The following CTNNBL1 variants were observed in gnomAD, a reference collection of about 807,000 sequenced individuals.
CTNNBL1 encodes the protein beta-catenin-like protein 1.
CTNNBL1 carries 31 observed loss-of-function variants against 72.7 expected under a neutral mutation model. The ratio of observed to expected loss-of-function variants is 0.43; its 90% CI spans 0.32 to 0.58. The LOEUF is 0.58. Ranked by LOEUF, CTNNBL1 falls within the 20% of genes least tolerant of loss-of-function variation. The probability of loss-of-function intolerance (pLI) is 0.08; values close to 1 mark genes in which losing one functional copy is unlikely to be tolerated. For missense variants in CTNNBL1, 534 were observed against 725.1 expected (o/e 0.74, Z 3.03); for synonymous variants, 240 against 267.3 (o/e 0.90, Z 1.00).
At chr20:37,749,189 G>A (rs997720336) in intron 4 of CTNNBL1, among the ~76,000 whole-genome samples, 4 of 152,186 alleles carry the variant, frequency 2.6e-5, no homozygotes, top group African/African-American at 9.6e-5. Flanking sequence ...TGGGATTTAC[G>A]ACATTGCTGA....
chr20:37,828,527 T>C (rs964349217), intron 11 of CTNNBL1, among the ~76,000 whole-genome samples: 3 of 152,212 alleles, frequency 2.0e-5, no homozygotes, highest in Non-Finnish European at 4.4e-5. Flanking sequence ...ACTGAGTCTC[T>C]AGTTCCTTGT....
chr20:37,708,190 T>C (rs2072906177), intron 1 of CTNNBL1, among the ~76,000 whole-genome samples: 1 of 140,878 alleles, frequency 7.1e-6, no homozygotes, highest in East Asian at 2.0e-4. Context: ...ATAGACTTTC[T>C]TTTTTTTTTT....
At chr20:37,716,108 C>T (rs991908104) in intron 1 of CTNNBL1, among the ~76,000 whole-genome samples, 1 of 151,942 alleles carries the variant, frequency 6.6e-6, no homozygotes, top group Non-Finnish European at 1.5e-5. Flanking sequence ...TTATTTTATT[C>T]TACTGTTTAT....
At chr20:37,746,987 C>G (rs1411149287) in intron 4 of CTNNBL1, among the ~76,000 whole-genome samples, 1 of 152,178 alleles carries the variant, frequency 6.6e-6, no homozygotes, top group Non-Finnish European at 1.5e-5. Context: ...GACTGATGGT[C>G]CAGTGGAGTT....
At position 37,727,775 on chromosome 20, in the gene CTNNBL1, CTG is replaced by C. The variant is rs201613567; in HGVS notation, c.31-5101_31-5100del. On this transcript the variant is annotated intron_variant, in intron 1 of 15. Coordinates refer to ENST00000361383, the MANE Select transcript of CTNNBL1 (RefSeq NM_030877.5). The stretch of plus-strand genomic sequence containing the variant: ...AGAGCTCAGCCTGAGCTGTTGACCT[CTG>C]TGACAGGCTGTGAGTGTTACATTCT... 9.8e-5 allele frequency among the ~76,000 whole-genome samples: 15 copies of C among 152,340 alleles called. No individual in the cohort carries two copies. In the East Asian group the frequency reaches 2.9e-3, roughly 29 times the overall value.
At chr20:37,722,108 A>G (rs929718768) in intron 1 of CTNNBL1, among the ~76,000 whole-genome samples, 1 of 152,092 alleles carries the variant, frequency 6.6e-6, no homozygotes, top group Non-Finnish European at 1.5e-5. Flanking sequence ...TACTTTTTAT[A>G]TGCTTATGGG....
At chr20:37,775,535 T>C (rs547009955) in intron 7 of CTNNBL1, among the ~76,000 whole-genome samples, 1 of 152,366 alleles carries the variant, frequency 6.6e-6, no homozygotes, top group South Asian at 2.1e-4. Flanking sequence ...AACTGCAGAT[T>C]TGAGTCAACC....
chr20:37,851,701 GA>G (rs2072398611), intron 13 of CTNNBL1, among the ~76,000 whole-genome samples: 1 of 152,172 alleles, frequency 6.6e-6, no homozygotes, highest in South Asian at 2.1e-4. Context: ...TTTCCCATTT[GA>G]AAAGTAGAAA....
chr20:37,831,294 T>C (rs2072207147), intron 11 of CTNNBL1, among the ~76,000 whole-genome samples: 1 of 152,216 alleles, frequency 6.6e-6, no homozygotes, highest in African/African-American at 2.4e-5. Context: ...ACATATGCGC[T>C]GAGTATTTTC....
Position 37,842,393 on chromosome 20 carries a change from G to C in CTNNBL1, c.1366G>C (p.Asp456His), listed in dbSNP as rs1347442821. Residue 456 changes from aspartate (D) to histidine (H), a missense_variant, in exon 13 of 16, where the codon GAC becomes CAC. Physicochemically the swap from Asp to His is moderately conservative, Grantham distance 81. Coordinates refer to ENST00000361383, the MANE Select transcript of CTNNBL1 (RefSeq NM_030877.5). ...ATATCTGGGTGCAATGCAGGTGGCG[G>C]ACAAGAAGATTGAAGGGGAAAAACA... is the stretch of plus-strand genomic sequence containing the variant. ...FKYLGAMQVA[D>H]KKIEGEKHDM... The C allele has an allele frequency of 1.2e-6, 2 of 1,613,752 alleles. No individual in the cohort carries two copies. Among genetic ancestry groups the C allele is most frequent in the Non-Finnish European group, 1.7e-6 (2 of 1,179,760 alleles).
chr20:37,767,051 G>A (rs148213347), intron 6 of CTNNBL1, among the ~76,000 whole-genome samples: 82 of 152,210 alleles, frequency 5.4e-4, no homozygotes, highest in Non-Finnish European at 8.7e-4. Flanking sequence ...AGGCTGATGT[G>A]GGCAAAGGAG....
rs73621916 is a variant in CTNNBL1 at position 37,705,466 on chromosome 20, A to T, written c.30+11314A>T. Among the ~76,000 whole-genome samples the T allele has an allele frequency of 1.5e-4, 23 of 152,344 alleles. 1 individual carries two copies. In the East Asian group the frequency reaches 4.2e-3, roughly 28 times the overall value. ...CGCATGCTACAGCAACATGGCAAAA[A>T]AAAATTTTTTTTTAATTCTACAAAA... is the stretch of plus-strand genomic sequence containing the variant. On this transcript the variant is annotated intron_variant, in intron 1 of 15. Coordinates refer to ENST00000361383, the MANE Select transcript of CTNNBL1 (RefSeq NM_030877.5).
At chr20:37,805,929 C>G (rs1433645438) in intron 11 of CTNNBL1, among the ~76,000 whole-genome samples, 1 of 152,164 alleles carries the variant, frequency 6.6e-6, no homozygotes, top group Non-Finnish European at 1.5e-5. Flanking sequence ...ACAACCATTT[C>G]CCTGAAAGGC....
At chr20:37,715,907 G>A (rs1252495089) in intron 1 of CTNNBL1, among the ~76,000 whole-genome samples, 1 of 152,156 alleles carries the variant, frequency 6.6e-6, no homozygotes, top group African/African-American at 2.4e-5. Flanking sequence ...ACCCACAGAG[G>A]AAACTTGCTT....
chr20:37,755,616 C>T (rs968286142), intron 4 of CTNNBL1, among the ~76,000 whole-genome samples: 1 of 152,306 alleles, frequency 6.6e-6, no homozygotes, highest in East Asian at 1.9e-4. Flanking sequence ...AGCAAACCTT[C>T]AAGTAATTTT....
At chr20:37,791,557 T>C (rs1177017055) in intron 10 of CTNNBL1, among the ~76,000 whole-genome samples, 1 of 152,200 alleles carries the variant, frequency 6.6e-6, no homozygotes, top group Non-Finnish European at 1.5e-5. Context: ...AAGGGGTTAT[T>C]TGTCTTATTG....
chr20:37,697,481 C>T (rs917901165), intron 1 of CTNNBL1, among the ~76,000 whole-genome samples: 2 of 152,138 alleles, frequency 1.3e-5, no homozygotes, highest in Admixed American at 6.5e-5. Flanking sequence ...GAAAGAGGAT[C>T]TATGTAGCTG....
chr20:37,853,497 G>A (rs761368401), intron 13 of CTNNBL1, among the ~76,000 whole-genome samples: 8 of 152,136 alleles, frequency 5.3e-5, no homozygotes, highest in Non-Finnish European at 1.0e-4. Context: ...GGCACCCTTC[G>A]AAGTTCTTTC....
intron 1 of CTNNBL1, among the ~76,000 whole-genome samples, chr20:37,701,164 A>G (rs2072838548): frequency 6.6e-6 from 1 of 152,206 alleles, no homozygotes; most frequent in Non-Finnish European, 1.5e-5. Context: ...TAACATTGCC[A>G]GGAATATTTT....
Sources: allele counts gnomAD v4.1 joint callset (sites outside exome capture counted in the v4.1 genomes callset), GRCh38; gene constraint gnomAD v4.1.1; transcripts MANE v1.5; gene names NCBI Gene and HGNC (gene_info 2026-07-23, HGNC 2026-07-21).